MITF: variants seen among roughly 807,000 people sequenced by gnomAD.
MITF encodes the protein melanocyte inducing transcription factor.
A neutral mutation model predicts 60.5 loss-of-function variants in MITF; 17 were observed. The ratio of observed to expected loss-of-function variants is 0.28; its 90% CI spans 0.19 to 0.42. The LOEUF (loss-of-function observed/expected upper bound fraction) is 0.42, where lower values mean the gene tolerates loss of function less well. Ranked by LOEUF, MITF falls within the 10% of genes least tolerant of loss-of-function variation. The pLI, the probability that MITF is intolerant of heterozygous loss-of-function variation, is 1.00. For missense variants in MITF, 622 were observed against 683.5 expected (o/e 0.91, Z 1.00); for synonymous variants, 260 against 248.5 (o/e 1.05, Z -0.43).
At chr3:69,946,797 A>G (rs2066107911) in intron 5 of MITF, among the ~76,000 whole-genome samples, 1 of 152,064 alleles carries the variant, frequency 6.6e-6, no homozygotes, top group Non-Finnish European at 1.5e-5. Context: ...AGGGATTTTA[A>G]TTCATTTCCC....
At chr3:69,787,076 G>C (rs2062662217) in intron 1 of MITF, among the ~76,000 whole-genome samples, 1 of 152,000 alleles carries the variant, frequency 6.6e-6, no homozygotes, top group Non-Finnish European at 1.5e-5. Context: ...CATGTGGTGA[G>C]AGAGAGAGAG....
intron 1 of MITF, among the ~76,000 whole-genome samples, chr3:69,870,607 G>T (rs564426073): frequency 1.3e-5 from 2 of 151,780 alleles, no homozygotes; most frequent in Non-Finnish European, 1.5e-5. Flanking sequence ...GCTAAATTTT[G>T]TATTGTTAGT....
chr3:69,903,921 G>T (rs1239262942), intron 2 of MITF, among the ~76,000 whole-genome samples: 2 of 151,914 alleles, frequency 1.3e-5, no homozygotes, highest in African/African-American at 4.8e-5. Flanking sequence ...TTTTCCCGTT[G>T]GCAAAAAGGC....
intron 2 of MITF, among the ~76,000 whole-genome samples, chr3:69,893,004 A>G (rs1443890655): frequency 6.6e-6 from 1 of 152,220 alleles, no homozygotes; most frequent in African/African-American, 2.4e-5. Flanking sequence ...CATGGGAAAG[A>G]TCAACTCTTT....
chr3:69,789,761 C>T (rs1380840097), intron 1 of MITF, among the ~76,000 whole-genome samples: 2 of 152,074 alleles, frequency 1.3e-5, no homozygotes, highest in East Asian at 1.9e-4. Context: ...GAGGCTGAGG[C>T]GTGCGAATTG....
At chr3:69,770,689 G>C (rs983505452) in intron 1 of MITF, among the ~76,000 whole-genome samples, 1 of 152,164 alleles carries the variant, frequency 6.6e-6, no homozygotes, top group Non-Finnish European at 1.5e-5. Flanking sequence ...AAAAACCTTA[G>C]TGTTTAATGG....
chr3:69,756,105 A>G (rs1704136286), intron 1 of MITF, among the ~76,000 whole-genome samples: 1 of 151,890 alleles, frequency 6.6e-6, no homozygotes, highest in African/African-American at 2.4e-5. Context: ...CAATTCTCAA[A>G]TCCTTGGGGT....
At position 69,794,616 on chromosome 3, in the gene MITF, T is replaced by TA. The variant is rs2062798662; in HGVS notation, c.104+54922dup. 2.0e-5 allele frequency among the ~76,000 whole-genome samples: 3 copies of TA among 152,298 alleles called. 1 individual carries two copies. In the South Asian group the frequency reaches 6.2e-4, roughly 32 times the overall value. On this transcript the variant is annotated intron_variant, in intron 1 of 9. Transcript: ENST00000352241. ...GCAACACGTTAAAATTCACATGCAT[T>TA]AAAAAAATAGCAGTGTCATCCAGGC... is the stretch of plus-strand genomic sequence containing the variant.
chr3:69,855,333 A>G (rs1450260418), intron 1 of MITF, among the ~76,000 whole-genome samples: 1 of 151,632 alleles, frequency 6.6e-6, no homozygotes, highest in African/African-American at 2.4e-5. Context: ...TTAAAAATCT[A>G]TAATAATAAA....
rs145325518 is a variant in MITF at position 69,965,079 on chromosome 3, A to T, written c.1412A>T (p.Tyr471Phe). ...LGTGTEANQA[Y>F]SVPTKMGSKL... ...ACTGGGACTGAGGCCAACCAAGCCT[A>T]TAGTGTCCCCACAAAAATGGGATCC... Residue 471 changes from tyrosine to phenylalanine, a missense_variant, in exon 10 of 10, where the codon TAT becomes TTT. Physicochemically the swap from Tyr to Phe is conservative, Grantham distance 22 (BLOSUM62 3). Around this residue, in one of 5 missense-constraint regions of MITF, gnomAD observed 224 missense variants for 209.5 expected, o/e 1.07. Coordinates refer to ENST00000352241, the MANE Select transcript of MITF (RefSeq NM_001354604.2). The T allele has an allele frequency of 3.9e-5, 63 of 1,614,022 alleles. No individual in the cohort carries two copies. The African/African-American group carries it at 7.6e-4, about 19-fold the overall frequency.
intron 2 of MITF, among the ~76,000 whole-genome samples, chr3:69,919,434 C>T (rs765077992): frequency 3.9e-5 from 6 of 152,094 alleles, no homozygotes; most frequent in East Asian, 1.9e-4. Context: ...TAAAATAAAA[C>T]GATCTAGAAT....
At chr3:69,864,522 C>T (rs1347026956) in intron 1 of MITF, among the ~76,000 whole-genome samples, 3 of 152,206 alleles carry the variant, frequency 2.0e-5, no homozygotes, top group Admixed American at 6.5e-5. Flanking sequence ...GCTACCATCA[C>T]CTCCTACCAG....
At chr3:69,826,062 AAT>A (rs2063349559) in intron 1 of MITF, among the ~76,000 whole-genome samples, 3 of 152,182 alleles carry the variant, frequency 2.0e-5, no homozygotes. Context: ...ATTGAAGTGG[AAT>A]ACATAGAGAG....
chr3:69,777,705 A>C (rs1407096112), intron 1 of MITF, among the ~76,000 whole-genome samples: 1 of 152,180 alleles, frequency 6.6e-6, no homozygotes, highest in Non-Finnish European at 1.5e-5. Flanking sequence ...GGACAAGTCA[A>C]GTTATCCCAT....
intron 1 of MITF, among the ~76,000 whole-genome samples, chr3:69,824,848 A>G (rs887230413): frequency 6.6e-6 from 1 of 152,054 alleles, no homozygotes; most frequent in African/African-American, 2.4e-5. Flanking sequence ...CTTCCCTGAA[A>G]CCCTAGAGGA....
chr3:69,859,794 A>G (rs951371916), intron 1 of MITF, among the ~76,000 whole-genome samples: 1 of 152,158 alleles, frequency 6.6e-6, no homozygotes, highest in Non-Finnish European at 1.5e-5. Flanking sequence ...AAAGTTACTA[A>G]CAGTAAAATA....
At chr3:69,961,336 CG>C (rs1196103885) in intron 9 of MITF, among the ~76,000 whole-genome samples, 1 of 147,218 alleles carries the variant, frequency 6.8e-6, no homozygotes, top group African/African-American at 2.5e-5. Context: ...GAGCCAAGAT[CG>C]CGCCACTGCA....
chr3:69,927,836 A>G (rs1465855153), intron 2 of MITF, among the ~76,000 whole-genome samples: 7 of 152,254 alleles, frequency 4.6e-5, no homozygotes, highest in African/African-American at 1.4e-4. Flanking sequence ...ATCTGGCTCC[A>G]GTGTCAATAG....
intron 1 of MITF, among the ~76,000 whole-genome samples, chr3:69,877,580 C>A (rs1294517671): frequency 6.6e-6 from 1 of 152,050 alleles, no homozygotes; most frequent in African/African-American, 2.4e-5. Context: ...ATGGTTGCAT[C>A]ATGTTACATT....
Sources: gnomAD v4.1 joint callset for allele counts (sites outside exome capture counted in the v4.1 genomes callset) on GRCh38, gnomAD v4.1.1 for gene constraint, gnomAD v4.1.1 regional missense constraint, MANE v1.5 for transcripts, NCBI Gene and HGNC (gene_info 2026-07-23, HGNC 2026-07-21) for gene names.